Variants in KLRG1 observed in about 807,000 individuals in gnomAD.
KLRG1 encodes the protein killer cell lectin like receptor G1, also known as killer cell lectin-like receptor subfamily G member 1.
In KLRG1, 16 loss-of-function variants were observed where a neutral mutation model predicts 21.8. The ratio of observed to expected loss-of-function variants is 0.73; its 90% CI spans 0.50 to 1.11. The LOEUF (loss-of-function observed/expected upper bound fraction) is 1.11, where lower values mean the gene tolerates loss of function less well. Ranked by LOEUF, KLRG1 falls within the 50% of genes most tolerant of loss-of-function variation. KLRG1 has a pLI of 0.00. For missense variants in KLRG1, 173 were observed against 218.3 expected (o/e 0.79, Z 1.31); for synonymous variants, 69 against 75.9 (o/e 0.91, Z 0.47).
chr12:8,968,176 T>G (rs1308853092), intron 1 of KLRG1, among the ~76,000 whole-genome samples: 1 of 151,600 alleles, frequency 6.6e-6, no homozygotes, highest in African/African-American at 2.4e-5. Flanking sequence ...TGGCCAAAAT[T>G]CTCCAATTAA....
At chr12:8,975,721 A>G (rs1175915326) in intron 1 of KLRG1, among the ~76,000 whole-genome samples, 1 of 151,706 alleles carries the variant, frequency 6.6e-6, no homozygotes, top group Non-Finnish European at 1.5e-5. Flanking sequence ...ATACCATCAC[A>G]CTGGCTAATT....
chr12:9,075,052 G>A, the KLRG1 span, among the ~76,000 whole-genome samples: 1 of 152,220 alleles, frequency 6.6e-6, no homozygotes, highest in African/African-American at 2.4e-5. Flanking sequence ...AAATGGCACA[G>A]CAGTTGTCTC....
At chr12:9,024,727 A>G in the KLRG1 span, among the ~76,000 whole-genome samples, 1 of 152,184 alleles carries the variant, frequency 6.6e-6, no homozygotes, top group Non-Finnish European at 1.5e-5. Flanking sequence ...CTTCATGATT[A>G]TGATGACTTC....
the KLRG1 span, among the ~76,000 whole-genome samples, chr12:9,209,429 T>TTTTA: frequency 3.6e-4 from 54 of 151,294 alleles, no homozygotes; most frequent in African/African-American, 1.2e-3. Flanking sequence ...TTATGAAATG[T>TTTTA]TATATATATA....
the KLRG1 span, among the ~76,000 whole-genome samples, chr12:9,072,017 C>T: frequency 6.6e-6 from 1 of 152,110 alleles, no homozygotes; most frequent in African/African-American, 2.4e-5. Flanking sequence ...TCCTTCTATT[C>T]AAACTTTTCA....
Position 9,000,408 on chromosome 12 carries a change from A to G in KLRG1, c.357+5120A>G, listed in dbSNP as rs74864010. Reference sequence around the variant, plus strand: ...ATTTTTTAACTTAAAAAATTGTGGGAAAATATGCATAGCATAAAATGTACT... The same window carrying G: ...ATTTTTTAACTTAAAAAATTGTGGGGAAATATGCATAGCATAAAATGTACT... On this transcript the variant is annotated intron_variant, in intron 3 of 4. Coordinates refer to ENST00000356986, the MANE Select transcript of KLRG1 (RefSeq NM_005810.4). 1.9e-4 allele frequency among the ~76,000 whole-genome samples: 29 copies of G among 152,356 alleles called. No individual in the cohort carries two copies. In the East Asian group the frequency reaches 5.2e-3, roughly 27 times the overall value.
At chr12:9,133,783 A>G in the KLRG1 span, among the ~76,000 whole-genome samples, 1 of 152,240 alleles carries the variant, frequency 6.6e-6, no homozygotes, top group East Asian at 1.9e-4. Flanking sequence ...AGTATGAGGC[A>G]AGAGAATCAC....
chr12:9,203,811 T>C, the KLRG1 span: 3 of 1,614,064 alleles, frequency 1.9e-6, no homozygotes, highest in Admixed American at 1.7e-5. Context: ...CGCCACCAGG[T>C]CAGTGAAGAG....
intron 1 of KLRG1, among the ~76,000 whole-genome samples, chr12:8,978,648 CTTT>C (rs1946699374): frequency 1.1e-5 from 1 of 88,450 alleles, no homozygotes; most frequent in Non-Finnish European, 2.5e-5. Flanking sequence ...TCTTTTCTTT[CTTT>C]CTTTCTTTCT....
chr12:9,201,822 T>A, the KLRG1 span, among the ~76,000 whole-genome samples: 2 of 152,118 alleles, frequency 1.3e-5, no homozygotes. Context: ...AAAAGCAGCT[T>A]TGTTCCTTTG....
Position 9,009,051 on chromosome 12 carries a change from A to G in KLRG1, c.434A>G (p.Asp145Gly). ...AACAATTCTGGCTGGAGGTGGGAAG[A>G]TGGATCACCTCTAAACTTCTCAAGG... is the stretch of plus-strand genomic sequence containing the variant. The part of the protein sequence containing the change: ...LRNNSGWRWE[D>G]GSPLNFSRIS... The change falls in exon 4 of 5, where the codon GAT becomes GGT. Residue 145 changes from aspartate to glycine, a missense_variant. This residue lies in a region of KLRG1 where 3 missense variants were observed against 19.9 expected (regional missense o/e 0.15). Coordinates refer to ENST00000356986, the MANE Select transcript of KLRG1 (RefSeq NM_005810.4). 6.2e-7 allele frequency: 1 copy of G among 1,613,468 alleles called. No individual in the cohort carries two copies.
the KLRG1 span, among the ~76,000 whole-genome samples, chr12:9,019,160 G>C: frequency 6.6e-6 from 1 of 152,150 alleles, no homozygotes; most frequent in East Asian, 1.9e-4. Context: ...TGGCAAACAG[G>C]TATATGAAAA....
the KLRG1 span, chr12:9,079,458 T>C: frequency 8.6e-6 from 10 of 1,156,272 alleles, no homozygotes; most frequent in East Asian, 2.3e-4. Flanking sequence ...ATTAGGAGTT[T>C]CTGAGCCTTA....
At chr12:9,154,130 G>A in the KLRG1 span, among the ~76,000 whole-genome samples, 8 of 152,156 alleles carry the variant, frequency 5.3e-5, no homozygotes, top group Non-Finnish European at 1.0e-4. Context: ...ATACATCTTA[G>A]AGGATTTCTT....
the KLRG1 span, chr12:9,077,070 TATA>T: frequency 1.3e-6 from 1 of 754,220 alleles, no homozygotes; most frequent in Non-Finnish European, 2.0e-6. Context: ...TATCAATAGA[TATA>T]ATATTATTTT....
the KLRG1 span, chr12:9,192,507 C>T: frequency 1.9e-6 from 3 of 1,609,238 alleles, no homozygotes; most frequent in Non-Finnish European, 2.6e-6. Flanking sequence ...TGGCCTCATT[C>T]TTACCAGGTA....
the KLRG1 span, chr12:9,067,877 G>A: frequency 6.3e-7 from 1 of 1,597,298 alleles, no homozygotes; most frequent in Non-Finnish European, 8.6e-7. Context: ...AGACAGATTT[G>A]GGTCTCCATG....
the KLRG1 span, chr12:9,111,408 G>A: frequency 2.5e-6 from 1 of 403,816 alleles, no homozygotes. Context: ...ACAGAGGAGT[G>A]AAAGTAGAAG....
chr12:9,163,938 T>C, the KLRG1 span: 1 of 1,247,254 alleles, frequency 8.0e-7, no homozygotes, highest in African/African-American at 1.5e-5. Flanking sequence ...AAGTAGCCAA[T>C]GTCCAAGATA....
Sources: gnomAD v4.1 joint callset for allele counts (sites outside exome capture counted in the v4.1 genomes callset) on GRCh38, gnomAD v4.1.1 for gene constraint, gnomAD v4.1.1 regional missense constraint, MANE v1.5 for transcripts, NCBI Gene and HGNC (gene_info 2026-07-23, HGNC 2026-07-21) for gene names.